CFTR: variants seen among roughly 807,000 people sequenced by gnomAD.
CFTR encodes cystic fibrosis transmembrane conductance regulator.
CFTR carries 181 observed loss-of-function variants against 171.6 expected under a neutral mutation model. That is an observed-to-expected ratio of 1.05 (90% confidence interval 0.93 to 1.19). The LOEUF (loss-of-function observed/expected upper bound fraction) is 1.19. CFTR is among the 50% of genes most tolerant of loss of function. CFTR has a pLI of 0.00. For synonymous variants in CFTR, 583 were observed against 608.0 expected (o/e 0.96, Z 0.60); for missense variants, 1,968 against 1,734.7 (o/e 1.13, Z -2.39).
At chr7:117,517,513 A>G (rs1798613527) in intron 3 of CFTR, among the ~76,000 whole-genome samples, 1 of 152,216 alleles carries the variant, frequency 6.6e-6, no homozygotes, top group Non-Finnish European at 1.5e-5. Flanking sequence ...GCAGCAATGA[A>G]CATACATAAG....
intron 11 of CFTR, among the ~76,000 whole-genome samples, chr7:117,586,774 C>T (rs1283499658): frequency 7.0e-6 from 1 of 143,136 alleles, no homozygotes. Context: ...GGGAGAGAGA[C>T]TTTTTTTTTT....
rs142920240 is a variant in CFTR at position 117,540,273 on chromosome 7, T to A, written c.1043T>A (p.Met348Lys). The change falls in exon 8 of 27, where the codon ATG becomes AAG. Residue 348 changes from methionine (M) to lysine (K), a missense_variant. Met to Lys is a moderately conservative substitution (Grantham distance 95). Transcript: ENST00000003084. ...TTISFCIVLR[M>K]AVTRQFPWAV... is the part of the protein sequence containing the mutation. ...ATCTCATTCTGCATTGTTCTGCGCA[T>A]GGCGGTCACTCGGCAATTTCCCTGG... 199 of 1,613,968 alleles carry A rather than the reference T, an allele frequency of 1.2e-4. No individual in the cohort carries two copies. The highest frequency in any genetic ancestry group is 6.6e-4 in the Middle Eastern group (4 of 6,084).
chr7:117,606,792 T>G, intron 18 of CFTR, 39 bp downstream of exon 18: 5 of 1,112,230 alleles, frequency 4.5e-6, no homozygotes, highest in Non-Finnish European at 6.9e-6. Context: ...GTCTGTATTA[T>G]TAAAAAAACA....
chr7:117,620,534 C>T (rs1249942897), intron 21 of CFTR, among the ~76,000 whole-genome samples: 2 of 152,086 alleles, frequency 1.3e-5, no homozygotes, highest in Non-Finnish European at 2.9e-5. Flanking sequence ...CAGAGCTGAT[C>T]AAAGAACTCT....
At chr7:117,553,550 C>G (rs1004116014) in intron 10 of CFTR, among the ~76,000 whole-genome samples, 1 of 152,118 alleles carries the variant, frequency 6.6e-6, no homozygotes, top group Non-Finnish European at 1.5e-5. Flanking sequence ...CTGATTTCCC[C>G]ACAGCATTAC....
At chr7:117,599,398 G>A (rs1452043137) in intron 15 of CFTR, among the ~76,000 whole-genome samples, 2 of 151,928 alleles carry the variant, frequency 1.3e-5, no homozygotes, top group Non-Finnish European at 1.5e-5. Flanking sequence ...GTGTTGATCT[G>A]CTTCACATGT....
chr7:117,508,070 C>T (rs1163354058), intron 2 of CFTR, among the ~76,000 whole-genome samples: 1 of 152,324 alleles, frequency 6.6e-6, no homozygotes, highest in Non-Finnish European at 1.5e-5. Context: ...GCCACTGCCC[C>T]GGCCTATTAC....
At chr7:117,485,217 A>G (rs62469433) in intron 1 of CFTR, among the ~76,000 whole-genome samples, 1 of 152,178 alleles carries the variant, frequency 6.6e-6, no homozygotes, top group African/African-American at 2.4e-5. Flanking sequence ...GTATTGCAAA[A>G]CCATCAGGAA....
intron 20 of CFTR, among the ~76,000 whole-genome samples, chr7:117,613,980 T>A (rs116692760): frequency 2.0e-5 from 3 of 151,630 alleles, no homozygotes; most frequent in African/African-American, 7.2e-5. Context: ...TAAGTGTTGT[T>A]CTTCCCAGGT....
intron 3 of CFTR, among the ~76,000 whole-genome samples, chr7:117,521,327 G>GA (rs1341724365): frequency 1.3e-5 from 2 of 151,864 alleles, no homozygotes; most frequent in Non-Finnish European, 2.9e-5. Flanking sequence ...AGAAGTTCTA[G>GA]AAAAATGTTA....
chr7:117,519,526 A>G (rs1040754445), intron 3 of CFTR, among the ~76,000 whole-genome samples: 1 of 151,764 alleles, frequency 6.6e-6, no homozygotes, highest in South Asian at 2.1e-4. Context: ...CTTTTTATTT[A>G]TTATTGTAAG....
intron 22 of CFTR, among the ~76,000 whole-genome samples, chr7:117,628,623 G>A (rs544061615): frequency 9.2e-5 from 14 of 152,242 alleles, no homozygotes; most frequent in African/African-American, 3.4e-4. Flanking sequence ...TAGTAAAGAT[G>A]TTAGGTCACC....
At chr7:117,510,377 A>T (rs918372193) in intron 3 of CFTR, among the ~76,000 whole-genome samples, 1 of 152,168 alleles carries the variant, frequency 6.6e-6, no homozygotes, top group Non-Finnish European at 1.5e-5. Context: ...GTTGCTTTGA[A>T]TCAGGGTATG....
chr7:117,510,675 T>C (rs960964292), intron 3 of CFTR, among the ~76,000 whole-genome samples: 1 of 152,090 alleles, frequency 6.6e-6, no homozygotes, highest in African/African-American at 2.4e-5. Context: ...CCCACCAACA[T>C]AGTAGTTTCA....
At chr7:117,665,983 T>C (rs1793370610) in intron 26 of CFTR, among the ~76,000 whole-genome samples, 1 of 152,162 alleles carries the variant, frequency 6.6e-6, no homozygotes, top group African/African-American at 2.4e-5. Flanking sequence ...AATGACAAAG[T>C]TGAGAGGCAC....
At chr7:117,595,673 C>G (rs1254863265) in intron 15 of CFTR, among the ~76,000 whole-genome samples, 3 of 151,810 alleles carry the variant, frequency 2.0e-5, no homozygotes, top group South Asian at 2.1e-4. Context: ...TGCTTGAGCC[C>G]AGGGGTCAAG....
chr7:117,606,726 G>T lies in CFTR; in HGVS notation c.2961G>T (p.Leu987=). The T allele has an allele frequency of 6.3e-7, 1 of 1,588,464 alleles. No individual in the cohort carries two copies. The highest frequency in any genetic ancestry group is 8.6e-7 in the Non-Finnish European group (1 of 1,157,136). Residue 987 remains leucine, a synonymous_variant, in exon 18 of 27, where the codon CTG becomes CTT. Transcript: ENST00000003084. ...SKDIAILDDL[L]PLTIFDFIQL... ...ATATAGCAATTTTGGATGACCTTCTGCCTCTTACCATATTTGACTTCATCC... is the reference window on the plus strand; with the variant it reads ...ATATAGCAATTTTGGATGACCTTCTTCCTCTTACCATATTTGACTTCATCC...
intron 22 of CFTR, among the ~76,000 whole-genome samples, chr7:117,630,519 G>C (rs983501362): frequency 6.6e-6 from 1 of 152,164 alleles, no homozygotes; most frequent in Non-Finnish European, 1.5e-5. Flanking sequence ...AGCATGAGTA[G>C]AGCAGGATTT....
intron 3 of CFTR, among the ~76,000 whole-genome samples, chr7:117,514,036 G>A (rs555909267): frequency 1.3e-5 from 2 of 152,212 alleles, no homozygotes; most frequent in South Asian, 2.1e-4. Context: ...TTCCCCAAGC[G>A]ATTCTAATTA....
Sources: gnomAD v4.1 joint callset for allele counts (sites outside exome capture counted in the v4.1 genomes callset) on GRCh38, gnomAD v4.1.1 for gene constraint, MANE v1.5 for transcripts, NCBI Gene and HGNC (gene_info 2026-07-23, HGNC 2026-07-21) for gene names.